The following PTPRN2 variants were observed in gnomAD, a reference collection of about 807,000 sequenced individuals.
PTPRN2 encodes the protein protein tyrosine phosphatase receptor type N2.
PTPRN2 carries 74 observed loss-of-function variants against 118.8 expected under a neutral mutation model. The ratio of observed to expected loss-of-function variants is 0.62; its 90% CI spans 0.52 to 0.76. PTPRN2 has a LOEUF of 0.76. Among genes scored for constraint, PTPRN2 ranks in the 30% least tolerant of loss-of-function variants. The pLI is 0.00. For missense variants in PTPRN2, 1,481 were observed against 1,394.4 expected, an observed-to-expected ratio of 1.06 and a Z score of -0.99; for synonymous variants, 641 against 608.0, an observed-to-expected ratio of 1.05 and a Z score of -0.80.
intron 12 of PTPRN2, among the ~76,000 whole-genome samples, chr7:157,806,528 G>A (rs1301517659): frequency 6.6e-6 from 1 of 152,112 alleles, no homozygotes; most frequent in Non-Finnish European, 1.5e-5. Flanking sequence ...GCATATACGT[G>A]TATATGTGTG....
Position 158,171,288 on chromosome 7 carries a change from T to TAC in PTPRN2, c.550-3999_550-3998dup, listed in dbSNP as rs1236163615. Among the ~76,000 whole-genome samples the TAC allele has an allele frequency of 1.5e-4, 7 of 47,250 alleles. 1 individual carries two copies. The highest frequency in any genetic ancestry group is 6.7e-4 in the African/African-American group (6 of 8,928). 31.0% of individuals were successfully genotyped at this position (47,250 alleles called of 152,430 possible). A position where few individuals can be genotyped will look rare whatever the true frequency, so the allele number is the denominator to read the frequency against. Reference sequence around the variant, plus strand: ...ACACACATATATACACACATATATATACACACATATATATACACACATATA... The same window carrying TAC: ...ACACACATATATACACACATATATATACACACACATATATATACACACATATA... On this transcript the variant is annotated intron_variant, in intron 5 of 22. Coordinates refer to ENST00000389418, the MANE Select transcript of PTPRN2 (RefSeq NM_002847.5).
chr7:158,064,713 T>TG (rs1179979262), intron 11 of PTPRN2, among the ~76,000 whole-genome samples: 1 of 151,798 alleles, frequency 6.6e-6, no homozygotes, highest in Admixed American at 6.6e-5. Context: ...AGCTGACTGG[T>TG]GGGGGGGACA....
intron 2 of PTPRN2, among the ~76,000 whole-genome samples, chr7:158,485,236 G>A (rs1820923379): frequency 6.6e-6 from 1 of 152,096 alleles, no homozygotes; most frequent in South Asian, 2.1e-4. Flanking sequence ...TCCAAACGGA[G>A]AGCGCGACTT....
At chr7:157,926,267 A>G (rs1798986745) in intron 11 of PTPRN2, among the ~76,000 whole-genome samples, 1 of 152,042 alleles carries the variant, frequency 6.6e-6, no homozygotes, top group Non-Finnish European at 1.5e-5. Flanking sequence ...GGGTCCACGC[A>G]TTACATCCTT....
At chr7:157,777,336 ACG>A (rs1803390971) in intron 12 of PTPRN2, among the ~76,000 whole-genome samples, 1 of 148,032 alleles carries the variant, frequency 6.8e-6, no homozygotes, top group African/African-American at 2.5e-5. Flanking sequence ...GCCAGAGGAC[ACG>A]CAGTGCCCCA....
At chr7:157,762,186 C>A (rs374768081) in intron 12 of PTPRN2, among the ~76,000 whole-genome samples, 1 of 151,956 alleles carries the variant, frequency 6.6e-6, no homozygotes, top group African/African-American at 2.4e-5. Context: ...GTCAGTGTGG[C>A]GATTCCTCAG....
At chr7:158,478,762 G>A (rs1820446416) in intron 2 of PTPRN2, among the ~76,000 whole-genome samples, 1 of 152,196 alleles carries the variant, frequency 6.6e-6, no homozygotes, top group Non-Finnish European at 1.5e-5. Flanking sequence ...ACGCCGTACA[G>A]AGATGTAATT....
intron 2 of PTPRN2, among the ~76,000 whole-genome samples, chr7:158,411,010 G>C (rs998065255): frequency 8.5e-5 from 13 of 152,206 alleles, no homozygotes; most frequent in Non-Finnish European, 5.9e-5. Context: ...TCACTTGGTG[G>C]TGTCAGGCCA....
rs1223360954 is a variant in PTPRN2 at position 157,764,472 on chromosome 7, C to T, written c.1789-81535G>A. 6.6e-6 allele frequency among the ~76,000 whole-genome samples: 1 copy of T among 152,150 alleles called. No individual in the cohort carries two copies. Among genetic ancestry groups the T allele is most frequent in the Admixed American group, 6.5e-5 (1 of 15,270 alleles). ...AGATGTTATGCTAAGTGAAATAAGCCAGTCACAATATGATAAACACTGTGT... is the reference window on the plus strand; with the variant it reads ...AGATGTTATGCTAAGTGAAATAAGCTAGTCACAATATGATAAACACTGTGT... On this transcript the variant is annotated intron_variant, in intron 12 of 22. Coordinates refer to ENST00000389418, the MANE Select transcript of PTPRN2 (RefSeq NM_002847.5). This position sits in a 1 kb window ranked among gnomAD's most constrained non-coding sequence, Gnocchi z 4.5.
chr7:158,077,232 C>A (rs1812429956), intron 11 of PTPRN2, among the ~76,000 whole-genome samples: 1 of 152,118 alleles, frequency 6.6e-6, no homozygotes, highest in Non-Finnish European at 1.5e-5. Flanking sequence ...TCCATGTGGA[C>A]CCGCTACATA....
intron 11 of PTPRN2, among the ~76,000 whole-genome samples, chr7:157,918,752 A>G (rs190204976): frequency 6.6e-6 from 1 of 152,372 alleles, no homozygotes; most frequent in Admixed American, 6.5e-5. Flanking sequence ...ACAACGATAT[A>G]GGGTTAATGA....
At chr7:158,308,228 T>C (rs1801440143) in intron 3 of PTPRN2, among the ~76,000 whole-genome samples, 1 of 152,158 alleles carries the variant, frequency 6.6e-6, no homozygotes, top group Non-Finnish European at 1.5e-5. Flanking sequence ...AAAAAGTCTA[T>C]CAACCAAGAA....
At chr7:158,079,903 C>G (rs1812665487) in intron 11 of PTPRN2, among the ~76,000 whole-genome samples, 1 of 152,184 alleles carries the variant, frequency 6.6e-6, no homozygotes, top group Admixed American at 6.5e-5. Context: ...CCCAGCTCCA[C>G]AAGCCTCACA....
intron 4 of PTPRN2, among the ~76,000 whole-genome samples, chr7:158,193,775 C>A (rs1825971793): frequency 6.6e-6 from 1 of 152,076 alleles, no homozygotes; most frequent in South Asian, 2.1e-4. Flanking sequence ...TTGCACATGA[C>A]CAAAAGGGCC....
rs2151255615 is a variant in PTPRN2 at position 157,868,912 on chromosome 7, G to A, written c.1788+29761C>T. ...TTGCCTAGCACCAGTGGTGAGGCCA[G>A]GCCTCCCGCGCCCTCCATCTTTCTG... On this transcript the variant is annotated intron_variant, in intron 12 of 22. Coordinates refer to ENST00000389418, the MANE Select transcript of PTPRN2 (RefSeq NM_002847.5). The surrounding 1 kb of genome is among the most constrained non-coding windows in gnomAD (Gnocchi z 5.2). The A allele has an allele frequency of 6.6e-6, 1 of 152,312 alleles. No homozygotes were observed. The highest frequency in any genetic ancestry group is 6.5e-5 in the Admixed American group (1 of 15,294). The allele number at this position is 152,312 out of a possible 1,614,324, so 9.4% of individuals were successfully genotyped here.
chr7:157,726,286 ATG>A (rs1268039314), intron 12 of PTPRN2, among the ~76,000 whole-genome samples: 2 of 95,262 alleles, frequency 2.1e-5, no homozygotes, highest in Non-Finnish European at 4.1e-5. Flanking sequence ...ATGCAGAGGA[ATG>A]AGCCAGACCC....
rs146210941 is a variant in PTPRN2 at position 157,907,463 on chromosome 7, T to C, written c.1724-8726A>G. Among the ~76,000 whole-genome samples, 1,103 of 136,618 alleles carry C rather than the reference T, an allele frequency of 8.1e-3. 8 individuals are homozygous for C. The highest frequency in any genetic ancestry group is 0.013 in the Non-Finnish European group (851 of 64,218). 89.6% of individuals were successfully genotyped at this position (136,618 alleles called of 152,430 possible). A position where few individuals can be genotyped will look rare whatever the true frequency, so the allele number is the denominator to read the frequency against. On this transcript the variant is annotated intron_variant, in intron 11 of 22. Coordinates refer to ENST00000389418, the MANE Select transcript of PTPRN2 (RefSeq NM_002847.5). ...TCCTCTGCGTGTGGGGTGTCCCGGG[T>C]GGCAGTATCTCCCTGTCCCCTGCGT...
At chr7:157,810,429 T>G (rs918688982) in intron 12 of PTPRN2, among the ~76,000 whole-genome samples, 3 of 149,624 alleles carry the variant, frequency 2.0e-5, no homozygotes, top group Non-Finnish European at 4.5e-5. Flanking sequence ...GCACAGGCTC[T>G]CCACGGGGAC....
At chr7:157,997,491 C>T (rs940539073) in intron 11 of PTPRN2, among the ~76,000 whole-genome samples, 1 of 152,240 alleles carries the variant, frequency 6.6e-6, no homozygotes, top group Admixed American at 6.5e-5. Flanking sequence ...GCCATCCACA[C>T]TGGCCCTGCA....
Sources: gnomAD v4.1 joint callset for allele counts (sites outside exome capture counted in the v4.1 genomes callset) on GRCh38, gnomAD v4.1.1 for gene constraint, Gnocchi (gnomAD v3.1) non-coding constraint, MANE v1.5 for transcripts, NCBI Gene and HGNC (gene_info 2026-07-23, HGNC 2026-07-21) for gene names.